AHR: variants seen among roughly 807,000 people sequenced by gnomAD.
The protein encoded by AHR is AH-receptor.
Under a neutral mutation model 86.8 loss-of-function variants are expected in AHR, and 40 were observed. The ratio of observed to expected loss-of-function variants is 0.46; its 90% CI spans 0.36 to 0.60. The LOEUF (loss-of-function observed/expected upper bound fraction) is 0.60, where lower values mean the gene tolerates loss of function less well. Ranked by LOEUF, AHR falls within the 20% of genes least tolerant of loss-of-function variation. The pLI, the probability that AHR is intolerant of heterozygous loss-of-function variation, is 0.00. For synonymous variants in AHR, 398 were observed against 354.9 expected, an observed-to-expected ratio of 1.12 and a Z score of -1.37; for missense variants, 1,001 against 1,011.6, an observed-to-expected ratio of 0.99 and a Z score of 0.14.
rs1272455082 is a variant in AHR at position 17,344,333 on chromosome 7, A to G, written c.*1269A>G. ...GTGCATTGTATAGATATAATGAACAAAATTATTTGTAAGATATTTGCAGTT... is the reference window on the plus strand; with the variant it reads ...GTGCATTGTATAGATATAATGAACAGAATTATTTGTAAGATATTTGCAGTT... On this transcript the variant is annotated 3_prime_UTR_variant, in exon 11 of 11. Coordinates refer to ENST00000242057, the MANE Select transcript of AHR (RefSeq NM_001621.5). 1 of 152,742 alleles carries G rather than the reference A, an allele frequency of 6.5e-6. No homozygotes were observed. Among genetic ancestry groups the G allele is most frequent in the Middle Eastern group, 3.2e-3 (1 of 316 alleles). 9.5% of individuals were successfully genotyped at this position (152,742 alleles called of 1,614,324 possible).
rs151309875 is a variant in AHR at position 17,329,332 on chromosome 7, C to G, written c.451-620C>G. On this transcript the variant is annotated intron_variant, in intron 4 of 10. Coordinates refer to ENST00000242057, the MANE Select transcript of AHR (RefSeq NM_001621.5). ...CATGTGTTTATGTCTGTGCACACACCTGTGACAGATGGAAATGTATTTTTT... is the reference window on the plus strand; with the variant it reads ...CATGTGTTTATGTCTGTGCACACACGTGTGACAGATGGAAATGTATTTTTT... 3.1e-3 allele frequency among the ~76,000 whole-genome samples: 476 copies of G among 151,790 alleles called. 5 individuals carry two copies. The highest frequency in any genetic ancestry group is 0.011 in the African/African-American group (460 of 41,432).
At chr7:17,322,345 C>G in intron 2 of AHR, among the ~76,000 whole-genome samples, 156 bp from the exon 3 acceptor site, 1 of 151,996 alleles carries the variant, frequency 6.6e-6, no homozygotes, top group Non-Finnish European at 1.5e-5. Context: ...GATTACTTAC[C>G]TAGTATTTAT....
intron 1 of AHR, among the ~76,000 whole-genome samples, chr7:17,299,671 T>A (rs1431159980): frequency 1.3e-5 from 2 of 152,280 alleles, no homozygotes; most frequent in African/African-American, 4.8e-5. Context: ...AGTATAAACC[T>A]GTCTTGAAAT....
chr7:17,332,232 TAAAAC>T (rs1782304246), intron 6 of AHR, among the ~76,000 whole-genome samples: 1 of 151,976 alleles, frequency 6.6e-6, no homozygotes, highest in African/African-American at 2.4e-5. Context: ...TACTTGAAAA[TAAAAC>T]AATAATAAAT....
At chr7:17,332,547 C>CA (rs1241030374) in intron 6 of AHR, among the ~76,000 whole-genome samples, 3 of 149,242 alleles carry the variant, frequency 2.0e-5, no homozygotes, top group South Asian at 4.2e-4. Context: ...TAGTTTTTAA[C>CA]AAAAAAAGTT....
rs570282832 is a variant in AHR at position 17,322,554 on chromosome 7, G to A, written c.307G>A (p.Ala103Thr). ...ERNGGQDNCRAANFREGLNLQ... is the reference protein window; with the variant it reads ...ERNGGQDNCRTANFREGLNLQ... ...AAACGGAGGCCAGGATAACTGTAGA[G>A]CAGCAAATTTCAGAGAAGGCCTGAA... Residue 103 changes from alanine (A) to threonine (T), a missense_variant, in exon 3 of 11, where the codon GCA (alanine) becomes ACA (threonine). By Grantham distance (58) the Ala-to-Thr change is moderately conservative. This residue lies in a region of AHR where 394 missense variants were observed against 468.5 expected (regional missense o/e 0.84). Coordinates refer to ENST00000242057, the MANE Select transcript of AHR (RefSeq NM_001621.5). The A allele has an allele frequency of 1.9e-5, 31 of 1,613,040 alleles. No individual in the cohort carries two copies. In the East Asian group the frequency reaches 5.4e-4, roughly 28 times the overall value.
At chr7:17,308,127 A>G (rs1473584366) in intron 1 of AHR, among the ~76,000 whole-genome samples, 2 of 152,104 alleles carry the variant, frequency 1.3e-5, no homozygotes, top group African/African-American at 2.4e-5. Flanking sequence ...GAGCTTTTGT[A>G]TATTTTGTTT....
intron 1 of AHR, among the ~76,000 whole-genome samples, chr7:17,300,491 TTA>T (rs1159954758): frequency 6.6e-6 from 1 of 152,198 alleles, no homozygotes; most frequent in Non-Finnish European, 1.5e-5. Context: ...TTCTAAAATT[TTA>T]GTTTCCTTTC....
At chr7:17,340,369 C>A in intron 10 of AHR, 141 bp downstream of exon 10, 3 of 1,142,780 alleles carry the variant, frequency 2.6e-6, no homozygotes, top group Non-Finnish European at 3.5e-6. Flanking sequence ...ATATCTGTGA[C>A]TACCTTTTTT....
chr7:17,310,337 TG>T (rs1282507335), intron 2 of AHR, among the ~76,000 whole-genome samples: 2 of 152,140 alleles, frequency 1.3e-5, no homozygotes, highest in African/African-American at 4.8e-5. Flanking sequence ...AAATGATGCA[TG>T]GTATCATTCT....
Position 17,299,181 on chromosome 7 carries a change from G to C in AHR, c.-84G>C, listed in dbSNP as rs891592787. On this transcript the variant is annotated 5_prime_UTR_variant, in exon 1 of 11. Transcript: ENST00000242057. ...GGCTTCGCGGAACCCGGCGCCGGCC[G>C]CCGCAGTGGTCCCAGCCTACACCGG... 8 of 1,442,410 alleles carry C rather than the reference G, an allele frequency of 5.5e-6. No homozygotes were observed. The East Asian group carries it at 1.9e-4, about 35-fold the overall frequency. 89.4% of individuals were successfully genotyped at this position (1,442,410 alleles called of 1,614,324 possible). A position where few individuals can be genotyped will look rare whatever the true frequency, so the allele number is the denominator to read the frequency against.
Position 17,318,475 on chromosome 7 carries a change from T to G in AHR, c.254-4026T>G, listed in dbSNP as rs140860934. Reference sequence around the variant, plus strand: ...TTGTATTGTACGACTCCTTCATAGATCTTTCAATGAGGAAATAGTGGAAAT... The same window carrying G: ...TTGTATTGTACGACTCCTTCATAGAGCTTTCAATGAGGAAATAGTGGAAAT... On this transcript the variant is annotated intron_variant, in intron 2 of 10. Transcript: ENST00000242057. 8.1e-4 allele frequency among the ~76,000 whole-genome samples: 123 copies of G among 152,254 alleles called. 1 individual carries two copies. The highest frequency in any genetic ancestry group is 2.9e-3 in the African/African-American group (120 of 41,556).
intron 3 of AHR, among the ~76,000 whole-genome samples, chr7:17,326,369 A>G (rs771525925): frequency 3.3e-5 from 5 of 152,218 alleles, no homozygotes; most frequent in Non-Finnish European, 7.3e-5. Context: ...TAATGAAGAT[A>G]TCGACTGGAC....
At chr7:17,342,648 A>G (rs560672758) in intron 10 of AHR, among the ~76,000 whole-genome samples, 3 of 152,262 alleles carry the variant, frequency 2.0e-5, no homozygotes, top group East Asian at 1.9e-4. Flanking sequence ...CCCAAAGGCA[A>G]TCTGAAATGA....
intron 2 of AHR, among the ~76,000 whole-genome samples, chr7:17,317,116 GTTTTTTT>G (rs66779121): frequency 8.1e-6 from 1 of 123,684 alleles, no homozygotes; most frequent in East Asian, 2.3e-4. Flanking sequence ...GGAGAATTTT[GTTTTTTT>G]TTTTTTTTTT....
At chr7:17,330,983 A>G in intron 6 of AHR, 97 bp downstream of exon 6, 2 of 1,349,000 alleles carry the variant, frequency 1.5e-6, no homozygotes, top group Non-Finnish European at 1.0e-6. Context: ...GCAGAGAACT[A>G]TTCCCAAATC....
Position 17,343,014 on chromosome 7 carries a change from C to G in AHR, c.2497C>G (p.Pro833Ala), listed in dbSNP as rs1782442817. Residue 833 changes from proline (P) to alanine (A), a missense_variant, in exon 11 of 11, where the codon CCG becomes GCG. This residue lies in a region of AHR where 607 missense variants were observed against 543.1 expected (regional missense o/e 1.12). Coordinates refer to ENST00000242057, the MANE Select transcript of AHR (RefSeq NM_001621.5). The stretch of plus-strand genomic sequence containing the variant: ...CACACATCTTCAGCCACTTCATCAT[C>G]CGTCAGAAGCCAGACCTTTTCCTGA... ...TTTHLQPLHH[P>A]SEARPFPDLT... 6.2e-7 allele frequency: 1 copy of G among 1,613,860 alleles called. No individual in the cohort carries two copies. The highest frequency in any genetic ancestry group is 8.5e-7 in the Non-Finnish European group (1 of 1,179,814).
At position 17,298,754 on chromosome 7, in the gene AHR, C is replaced by T. The variant is rs1781916358; in HGVS notation, c.-511C>T. The T allele has an allele frequency of 1.0e-5, 4 of 397,824 alleles. No individual in the cohort carries two copies. The highest frequency in any genetic ancestry group is 6.2e-5 in the African/African-American group (3 of 48,554). 24.6% of individuals were successfully genotyped at this position (397,824 alleles called of 1,614,324 possible). A position where few individuals can be genotyped will look rare whatever the true frequency, so the allele number is the denominator to read the frequency against. ...TAGCCGAACGGAAGCTGGGAGCAGC[C>T]GGGACTGGTGGCCCGCGCCCGAGCT... On this transcript the variant is annotated 5_prime_UTR_variant, in exon 1 of 11. Coordinates refer to ENST00000242057, the MANE Select transcript of AHR (RefSeq NM_001621.5).
At chr7:17,303,150 T>C (rs1781971273) in intron 1 of AHR, among the ~76,000 whole-genome samples, 2 of 152,096 alleles carry the variant, frequency 1.3e-5, no homozygotes, top group Admixed American at 1.3e-4. Flanking sequence ...GATGACTGTT[T>C]ATTAGCACTT....
Sources: gnomAD v4.1 joint callset for allele counts (sites outside exome capture counted in the v4.1 genomes callset) on GRCh38, gnomAD v4.1.1 for gene constraint, gnomAD v4.1.1 regional missense constraint, MANE v1.5 for transcripts, NCBI Gene and HGNC (gene_info 2026-07-23, HGNC 2026-07-21) for gene names.